The following DNASE1 variants were observed in gnomAD, a reference collection of about 807,000 sequenced individuals.
The protein encoded by DNASE1 is deoxyribonuclease-1.
A neutral mutation model predicts 33.9 loss-of-function variants in DNASE1; 40 were observed. The ratio of observed to expected loss-of-function variants is 1.18; its 90% CI spans 0.92 to 1.54. DNASE1 has a LOEUF of 1.54. Among genes scored for constraint, DNASE1 ranks in the 40% most tolerant of loss-of-function variants. The probability of loss-of-function intolerance (pLI) is 0.00; values close to 1 mark genes in which losing one functional copy is unlikely to be tolerated. For synonymous variants in DNASE1, 216 were observed against 160.0 expected, an observed-to-expected ratio of 1.35 and a Z score of -2.64; for missense variants, 518 against 372.6, an observed-to-expected ratio of 1.39 and a Z score of -3.21.
downstream of DNASE1, chr16:3,662,807 A>G (rs1348929083): frequency 2.1e-6 from 3 of 1,426,898 alleles, no homozygotes; most frequent in East Asian, 2.3e-5. Flanking sequence ...CGGGCCAGGT[A>G]CTGGGAGCCA....
At position 3,657,777 on chromosome 16, in the gene DNASE1, C is replaced by T. The variant is rs1415378395; in HGVS notation, c.762C>T (p.Pro254=). 1.2e-6 allele frequency: 2 copies of T among 1,614,042 alleles called. No homozygotes were observed. The highest frequency in any genetic ancestry group is 1.7e-5 in the Admixed American group (1 of 60,016). ...CCGTTGTTCCCGACTCGGCTCTTCC[C>T]TTTAACTTCCAGGCTGCCTATGGCC... ...RGAVVPDSAL[P]FNFQAAYGLS... Residue 254 remains proline (P), a synonymous_variant, in exon 8 of 9, where the codon CCC becomes CCT. Transcript: ENST00000246949.
At chr16:3,656,922 A>T in intron 5 of DNASE1, 77 bp from the exon 6 acceptor site, 1 of 1,572,210 alleles carries the variant, frequency 6.4e-7, no homozygotes, top group Non-Finnish European at 8.6e-7. Flanking sequence ...GACTGTCATG[A>T]TACATAGTTC....
chr16:3,663,303 C>T (rs2050731272), exon 10 of DNASE1: 6 of 1,364,814 alleles, frequency 4.4e-6, no homozygotes. Flanking sequence ...CAAGGCTCTT[C>T]TCGGGGGTGG....
downstream of DNASE1, chr16:3,658,103 T>C: frequency 6.2e-7 from 1 of 1,612,084 alleles, no homozygotes; most frequent in Non-Finnish European, 8.5e-7. Flanking sequence ...TCATCTGTGG[T>C]GTCAGTCCTT....
upstream of DNASE1, among the ~76,000 whole-genome samples, chr16:3,641,991 G>A (rs12919556): frequency 6.6e-6 from 1 of 152,242 alleles, no homozygotes; most frequent in Admixed American, 6.5e-5. Flanking sequence ...AGACCCGAGG[G>A]TCTGGCTATA....
downstream of DNASE1, chr16:3,661,471 C>CA (rs1362596829): frequency 6.6e-6 from 1 of 152,500 alleles, no homozygotes; most frequent in Non-Finnish European, 1.5e-5. Flanking sequence ...CAAGAATACT[C>CA]AGAGCAGCCT....
chr16:3,645,834 C>T (rs1189239565), intron 1 of DNASE1, among the ~76,000 whole-genome samples: 2 of 152,216 alleles, frequency 1.3e-5, no homozygotes, highest in South Asian at 2.1e-4. Flanking sequence ...TGAGGGATGG[C>T]GCAACCAGGC....
downstream of DNASE1, chr16:3,658,873 A>C: frequency 6.2e-7 from 1 of 1,613,974 alleles, no homozygotes; most frequent in Non-Finnish European, 8.5e-7. Flanking sequence ...TGCCTGCAAC[A>C]CAGAACCCAC....
Position 3,655,906 on chromosome 16 carries a change from G to GC in DNASE1, c.207dup (p.Val70ArgfsTer22). 6.2e-7 allele frequency: 1 copy of GC among 1,614,046 alleles called. No homozygotes were observed. Among genetic ancestry groups the GC allele is most frequent in the Non-Finnish European group, 8.5e-7 (1 of 1,180,012 alleles). On this transcript the variant is annotated frameshift_variant, in exon 3 of 9. Transcript: ENST00000246949. LOFTEE classifies it high-confidence loss of function. The stretch of plus-strand genomic sequence containing the variant: ...GGAGGTCAGAGACAGCCACCTGACT[G>GC]CCGTGGGGAAGCTGCTGGACAACCT...
chr16:3,663,546 T>C, exon 10 of DNASE1: 1 of 1,613,830 alleles, frequency 6.2e-7, no homozygotes, highest in South Asian at 1.1e-5. Context: ...ATCAAACTGC[T>C]CAAAGCAGAA....
intron 1 of DNASE1, among the ~76,000 whole-genome samples, chr16:3,630,222 C>T (rs1479443300): frequency 6.6e-6 from 1 of 151,798 alleles, no homozygotes; most frequent in Admixed American, 6.6e-5. Flanking sequence ...ACTTTGTTAC[C>T]CAGACTGGAG....
intron 1 of DNASE1, among the ~76,000 whole-genome samples, chr16:3,625,428 G>T (rs986780116): frequency 6.6e-6 from 1 of 152,096 alleles, no homozygotes; most frequent in Non-Finnish European, 1.5e-5. Flanking sequence ...GGCCAGCCTG[G>T]GCTGTGTAGT....
In DNASE1 at chr16:3,656,092, T is replaced by C. The variant is rs911199843; in HGVS notation, c.237-10T>C. ...CCCCGCCACTGGGACCTTTTGTTTC[T>C]TCAATCCAGGGATGCACCAGACACC... On this transcript the variant is annotated splice_polypyrimidine_tract_variant and intron_variant, in intron 3 of 8. Coordinates refer to ENST00000246949, the MANE Select transcript of DNASE1 (RefSeq NM_005223.4). 7.4e-6 allele frequency: 12 copies of C among 1,614,068 alleles called. No individual in the cohort carries two copies. In the Middle Eastern group the frequency reaches 4.9e-4, roughly 67 times the overall value.
At chr16:3,660,545 CTAGT>C (rs2043013527), downstream of DNASE1, 1 of 152,120 alleles carries the variant, frequency 6.6e-6, no homozygotes, top group African/African-American at 2.4e-5. Context: ...GCCACCAAAA[CTAGT>C]TAAAGTGACC....
At chr16:3,657,637 G>A (rs1386846952) in intron 7 of DNASE1, 83 bp from the exon 8 acceptor site, 5 of 1,568,006 alleles carry the variant, frequency 3.2e-6, no homozygotes, top group Middle Eastern at 2.2e-4. Context: ...CAGGTCCCAG[G>A]GCTCTTAGTT....
downstream of DNASE1, chr16:3,658,281 ATTTT>A: frequency 3.3e-6 from 4 of 1,216,394 alleles, no homozygotes; most frequent in South Asian, 1.4e-5. Flanking sequence ...GCACCTTTTC[ATTTT>A]TTTTTTTTTG....
intron 1 of DNASE1, among the ~76,000 whole-genome samples, chr16:3,630,145 G>GTGTA (rs1392814189): frequency 1.3e-5 from 2 of 151,990 alleles, no homozygotes; most frequent in Non-Finnish European, 2.9e-5. Context: ...GTGTGTGTGT[G>GTGTA]TGTGTGTGTT....
chr16:3,658,097 C>A, downstream of DNASE1: 1 of 1,611,842 alleles, frequency 6.2e-7, no homozygotes, highest in South Asian at 1.1e-5. Context: ...GGGCTGTCAT[C>A]TGTGGTGTCA....
At chr16:3,663,766 C>G in exon 10 of DNASE1, 1 of 611,816 alleles carries the variant, frequency 1.6e-6, no homozygotes. Flanking sequence ...GGCAGAAGCA[C>G]TCCACGCATA....
Sources: allele counts gnomAD v4.1 joint callset (sites outside exome capture counted in the v4.1 genomes callset), GRCh38; gene constraint gnomAD v4.1.1; transcripts MANE v1.5; gene names NCBI Gene and HGNC (gene_info 2026-07-23, HGNC 2026-07-21).